HPD: variants seen among roughly 807,000 people sequenced by gnomAD.
HPD encodes 4-hydroxyphenylpyruvate dioxygenase.
HPD carries 35 observed loss-of-function variants against 56.9 expected under a neutral mutation model. The observed-to-expected ratio is 0.62, with a 90% CI of 0.47 to 0.82. The LOEUF (loss-of-function observed/expected upper bound fraction) is 0.82, where lower values mean the gene tolerates loss of function less well. HPD is among the 40% of genes least tolerant of loss of function. The pLI, the probability that HPD is intolerant of heterozygous loss-of-function variation, is 0.00. For missense variants in HPD, 442 were observed against 506.8 expected (o/e 0.87, Z 1.23); for synonymous variants, 186 against 200.2 (o/e 0.93, Z 0.60).
chr12:121,882,851 G>C, the HPD span, among the ~76,000 whole-genome samples: 1 of 152,088 alleles, frequency 6.6e-6, no homozygotes, highest in Non-Finnish European at 1.5e-5. Context: ...TCCTGCCTCA[G>C]CCTCCTGAGT....
In HPD at chr12:121,856,294, C is replaced by T. The variant is rs777245069; in HGVS notation, c.324+30G>A. On this transcript the variant is annotated intron_variant, in intron 6 of 13. Transcript: ENST00000289004. Reference sequence around the variant, plus strand: ...GTCCCCATGGCAGACGGAGGCCTTCCTCTCTCAGTCCACCCAGGTGCTTTC... The same window carrying T: ...GTCCCCATGGCAGACGGAGGCCTTCTTCTCTCAGTCCACCCAGGTGCTTTC... 4 of 1,584,904 alleles carry T rather than the reference C, an allele frequency of 2.5e-6. No individual in the cohort carries two copies. The East Asian group carries it at 6.7e-5, about 27-fold the overall frequency.
chr12:121,879,504 T>TCTC, the HPD span, among the ~76,000 whole-genome samples: 9 of 149,664 alleles, frequency 6.0e-5, no homozygotes, highest in East Asian at 9.8e-4. Flanking sequence ...TCTCTTCTCT[T>TCTC]TTTTCTTTTC....
intron 6 of HPD, 48 bp downstream of exon 6, chr12:121,856,276 T>C: frequency 6.8e-7 from 1 of 1,468,658 alleles, no homozygotes; most frequent in Non-Finnish European, 9.6e-7. Flanking sequence ...GGGGTCCCCA[T>C]GGCAGACGGA....
At chr12:121,886,410 G>GTTTTTTT in the HPD span, among the ~76,000 whole-genome samples, 1 of 110,338 alleles carries the variant, frequency 9.1e-6, no homozygotes, top group Non-Finnish European at 1.8e-5. Flanking sequence ...GCCTGGCCTA[G>GTTTTTTT]TTTTTTTTTT....
chr12:121,846,662 G>T (rs1356874572), intron 11 of HPD, among the ~76,000 whole-genome samples, 200 bp downstream of exon 11: 1 of 152,186 alleles, frequency 6.6e-6, no homozygotes, highest in Non-Finnish European at 1.5e-5. Context: ...AAAGCCCAGG[G>T]GTTCTGTGGA....
upstream of HPD, among the ~76,000 whole-genome samples, chr12:121,862,401 G>A (rs1350324991): frequency 6.7e-6 from 1 of 149,156 alleles, no homozygotes; most frequent in African/African-American, 2.5e-5. Flanking sequence ...AGGTTCAATC[G>A]ATTCTCCTGT....
rs1299526063 is a variant in HPD at position 121,851,896 on chromosome 12, T to G, written c.415-2106A>C. ...GGCTACTTTTTTGTATTTTTTTTTT[T>G]TTTTTTTTAGTAGAGACGGGGTTTC... On this transcript the variant is annotated intron_variant, in intron 7 of 13. Coordinates refer to ENST00000289004, the MANE Select transcript of HPD (RefSeq NM_002150.3). 4.1e-3 allele frequency among the ~76,000 whole-genome samples: 125 copies of G among 30,386 alleles called. 1 individual carries two copies. Among genetic ancestry groups the G allele is most frequent in the Admixed American group, 8.0e-3 (30 of 3,742 alleles). 19.9% of individuals were successfully genotyped at this position (30,386 alleles called of 152,430 possible). A position where few individuals can be genotyped will look rare whatever the true frequency, so the allele number is the denominator to read the frequency against.
At chr12:121,841,493 A>G (rs1877405747) in intron 12 of HPD, among the ~76,000 whole-genome samples, 1 of 152,234 alleles carries the variant, frequency 6.6e-6, no homozygotes, top group Non-Finnish European at 1.5e-5. Context: ...AGCATTACGT[A>G]TAACACCCCA....
At chr12:121,841,122 A>G (rs1009541065) in intron 12 of HPD, among the ~76,000 whole-genome samples, 2 of 151,958 alleles carry the variant, frequency 1.3e-5, no homozygotes, top group African/African-American at 4.8e-5. Flanking sequence ...GAATCGCTTG[A>G]ACCCGGGAAG....
rs1878092658 is a variant in HPD, at chr12:121,858,672, A to C, written c.30+15T>G. 1.9e-6 allele frequency: 3 copies of C among 1,613,500 alleles called. No homozygotes were observed. The highest frequency in any genetic ancestry group is 1.7e-5 in the Admixed American group (1 of 59,970). On this transcript the variant is annotated intron_variant, in intron 2 of 13. Transcript: ENST00000289004. ...AGACTCAGGCCCCTACATTTCCCAC[A>C]TTTCGCCTGCTTACCTTTGCCCCTT...
the HPD span, among the ~76,000 whole-genome samples, chr12:121,875,998 C>T: frequency 5.3e-5 from 8 of 152,016 alleles, no homozygotes; most frequent in African/African-American, 1.7e-4. Flanking sequence ...ATTGGTGATA[C>T]TAAAACTTAG....
At chr12:121,888,336 G>A in the HPD span, among the ~76,000 whole-genome samples, 1 of 152,164 alleles carries the variant, frequency 6.6e-6, no homozygotes, top group African/African-American at 2.4e-5. Context: ...GCCAAGTAGT[G>A]ACCTAGGGTC....
chr12:121,852,019 G>A lies in HPD; in HGVS notation c.415-2229C>T, dbSNP rs528094045. 4.2e-3 allele frequency among the ~76,000 whole-genome samples: 16 copies of A among 3,824 alleles called. 6 individuals carry two copies. Among genetic ancestry groups the A allele is most frequent in the Non-Finnish European group, 1.6e-3 (2 of 1,280 alleles). The allele number at this position is 3,824 out of a possible 152,430, so 2.5% of individuals were successfully genotyped here. A position where few individuals can be genotyped will look rare whatever the true frequency, so the allele number is the denominator to read the frequency against. Reference sequence around the variant, plus strand: ...ATTACAGGCGTGAGCCACCGCGCCCGGCCTATTCATTTATTTTTGAGACAG... The same window carrying A: ...ATTACAGGCGTGAGCCACCGCGCCCAGCCTATTCATTTATTTTTGAGACAG... On this transcript the variant is annotated intron_variant, in intron 7 of 13. Coordinates refer to ENST00000289004, the MANE Select transcript of HPD (RefSeq NM_002150.3).
chr12:121,858,981 CT>C, upstream of HPD: 1 of 784,694 alleles, frequency 1.3e-6, no homozygotes, highest in Non-Finnish European at 2.2e-6. Context: ...GCCTGGGGAC[CT>C]CTGATCCAGC....
the HPD span, among the ~76,000 whole-genome samples, chr12:121,879,914 C>T: frequency 6.6e-6 from 1 of 152,030 alleles, no homozygotes; most frequent in African/African-American, 2.4e-5. Flanking sequence ...CTTTGGGAGG[C>T]AGAGGTGGGT....
At chr12:121,843,606 G>A in intron 12 of HPD, 104 bp downstream of exon 12, 1 of 1,320,754 alleles carries the variant, frequency 7.6e-7, no homozygotes, top group Non-Finnish European at 1.1e-6. Flanking sequence ...TGCCAGCAGG[G>A]ACTTGGTCTG....
the HPD span, among the ~76,000 whole-genome samples, chr12:121,884,495 G>GT: frequency 6.6e-6 from 1 of 151,392 alleles, no homozygotes; most frequent in Non-Finnish European, 1.5e-5. Flanking sequence ...TTGTAGAGAC[G>GT]TAAGTCTTGC....
At chr12:121,872,237 CAAA>C in the HPD span, among the ~76,000 whole-genome samples, 2 of 124,984 alleles carry the variant, frequency 1.6e-5, no homozygotes, top group Non-Finnish European at 1.7e-5. Flanking sequence ...AGACTCCTCT[CAAA>C]AAAAAAAAAG....
chr12:121,877,121 A>G, the HPD span, among the ~76,000 whole-genome samples: 2 of 150,048 alleles, frequency 1.3e-5, no homozygotes, highest in East Asian at 3.9e-4. Context: ...AAGAACTGTT[A>G]TGAGTCTCTG....
Sources: gnomAD v4.1 joint callset for allele counts (sites outside exome capture counted in the v4.1 genomes callset) on GRCh38, gnomAD v4.1.1 for gene constraint, MANE v1.5 for transcripts, NCBI Gene and HGNC (gene_info 2026-07-23, HGNC 2026-07-21) for gene names.